FOXN2: variants seen among roughly 807,000 people sequenced by gnomAD.
FOXN2 encodes the protein forkhead box N2.
FOXN2 carries 19 observed loss-of-function variants against 41.2 expected under a neutral mutation model. That is an observed-to-expected ratio of 0.46 (90% CI 0.32 to 0.68). FOXN2 has a LOEUF of 0.68. Ranked by LOEUF, FOXN2 falls within the 30% of genes least tolerant of loss-of-function variation. The probability of loss-of-function intolerance (pLI) is 0.03; values close to 1 mark genes in which losing one functional copy is unlikely to be tolerated. For synonymous variants in FOXN2, 195 were observed against 176.8 expected (o/e 1.10, Z -0.82); for missense variants, 587 against 509.4 (o/e 1.15, Z -1.47).
intron 1 of FOXN2, among the ~76,000 whole-genome samples, chr2:48,317,561 C>T (rs1441491162): frequency 3.0e-5 from 4 of 134,246 alleles, no homozygotes; most frequent in Non-Finnish European, 4.6e-5. Flanking sequence ...ATTAATACTA[C>T]AGATGTGTAC....
At chr2:48,352,536 A>G (rs548514685) in intron 3 of FOXN2, among the ~76,000 whole-genome samples, 1 of 152,296 alleles carries the variant, frequency 6.6e-6, no homozygotes, top group African/African-American at 2.4e-5. Flanking sequence ...ATGGCTTAAT[A>G]TGTCGTCTGT....
In FOXN2 at chr2:48,359,145, A is replaced by G; in HGVS notation, c.636A>G (p.Gln212=). The part of the protein sequence containing the change: ...KKQPFSSASS[Q]NGSLSPHYLS... Reference sequence around the variant, plus strand: ...AACCTTTTTCTTCAGCATCTTCACAAAAGTAAGGATCTTCCATATAACTGT... The same window carrying G: ...AACCTTTTTCTTCAGCATCTTCACAGAAGTAAGGATCTTCCATATAACTGT... The change falls in exon 4 of 7, where the codon CAA becomes CAG. Residue 212 remains glutamine (Q), a splice_region_variant and synonymous_variant. Coordinates refer to ENST00000340553, the MANE Select transcript of FOXN2 (RefSeq NM_002158.4). 1 of 1,610,858 alleles carries G rather than the reference A, an allele frequency of 6.2e-7. No individual in the cohort carries two copies. The highest frequency in any genetic ancestry group is 8.5e-7 in the Non-Finnish European group (1 of 1,177,268).
chr2:48,325,004 T>A (rs1033277227), intron 1 of FOXN2, among the ~76,000 whole-genome samples: 1 of 152,284 alleles, frequency 6.6e-6, no homozygotes, highest in South Asian at 2.1e-4. Flanking sequence ...AGCAAGCATA[T>A]AGAGAAATGT....
chr2:48,365,999 C>A (rs1050391117), intron 5 of FOXN2, among the ~76,000 whole-genome samples: 1 of 152,130 alleles, frequency 6.6e-6, no homozygotes, highest in African/African-American at 2.4e-5. Context: ...ACTCCTTGTG[C>A]CAGACACTGT....
intron 2 of FOXN2, among the ~76,000 whole-genome samples, chr2:48,340,406 T>G (rs1382163455): frequency 6.6e-6 from 1 of 152,240 alleles, no homozygotes; most frequent in East Asian, 1.9e-4. Context: ...TTCCAATACA[T>G]AATTTTATAT....
upstream of FOXN2, among the ~76,000 whole-genome samples, chr2:48,313,906 C>T (rs1031927453): frequency 6.6e-6 from 1 of 152,186 alleles, no homozygotes; most frequent in African/African-American, 2.4e-5. Context: ...TAAATGAGCT[C>T]TCCTGTATTT....
At chr2:48,362,982 T>C (rs1189600793) in intron 5 of FOXN2, among the ~76,000 whole-genome samples, 1 of 152,238 alleles carries the variant, frequency 6.6e-6, no homozygotes, top group Non-Finnish European at 1.5e-5. Context: ...TAATAAACTA[T>C]GTCACTAGTT....
At chr2:48,338,515 C>T (rs1260529096) in intron 2 of FOXN2, among the ~76,000 whole-genome samples, 1 of 152,060 alleles carries the variant, frequency 6.6e-6, no homozygotes. Context: ...CATTCTCCTG[C>T]CTCAGCCTCC....
At chr2:48,321,377 A>G (rs1669304739) in intron 1 of FOXN2, among the ~76,000 whole-genome samples, 1 of 152,128 alleles carries the variant, frequency 6.6e-6, no homozygotes, top group Admixed American at 6.5e-5. Flanking sequence ...TACTAAAAAT[A>G]CAAAAAAAAT....
At position 48,329,984 on chromosome 2, in the gene FOXN2, C is replaced by T. The variant is rs147450704; in HGVS notation, c.-15+1282C>T. 3.4e-4 allele frequency among the ~76,000 whole-genome samples: 52 copies of T among 151,678 alleles called. 1 individual carries two copies. Among genetic ancestry groups the T allele is most frequent in the African/African-American group, 1.1e-3 (47 of 41,408 alleles). On this transcript the variant is annotated intron_variant, in intron 2 of 6. Coordinates refer to ENST00000340553, the MANE Select transcript of FOXN2 (RefSeq NM_002158.4). ...TAAATGCTAGACTTTATTTTTGCTA[C>T]TGACTAGACAAATTAACAGGAAGAA...
At chr2:48,353,040 T>C (rs1353862027) in intron 3 of FOXN2, among the ~76,000 whole-genome samples, 1 of 152,186 alleles carries the variant, frequency 6.6e-6, no homozygotes, top group African/African-American at 2.4e-5. Context: ...AAGGATTGGA[T>C]TCAGGTATGT....
intron 2 of FOXN2, among the ~76,000 whole-genome samples, chr2:48,334,280 G>A (rs912535013): frequency 6.6e-6 from 1 of 152,148 alleles, no homozygotes; most frequent in African/African-American, 2.4e-5. Context: ...TGCAACACTT[G>A]TGTGGCCTGT....
intron 1 of FOXN2, among the ~76,000 whole-genome samples, chr2:48,327,430 C>T (rs1669748363): frequency 1.3e-5 from 2 of 151,152 alleles, no homozygotes; most frequent in Non-Finnish European, 1.5e-5. Flanking sequence ...GTATTACTTT[C>T]TAAAATGATC....
chr2:48,343,420 A>G (rs569273754), intron 2 of FOXN2, among the ~76,000 whole-genome samples: 1 of 152,290 alleles, frequency 6.6e-6, no homozygotes, highest in African/African-American at 2.4e-5. Context: ...GTGTCTACTC[A>G]TACTCAACAT....
In FOXN2 at chr2:48,362,663, A is replaced by G. The variant is rs201026379; in HGVS notation, c.659A>G (p.Tyr220Cys). The G allele has an allele frequency of 1.4e-4, 229 of 1,613,862 alleles. No individual in the cohort carries two copies. The highest frequency in any genetic ancestry group is 2.0e-4 in the Admixed American group (12 of 59,970). ...SSQNGSLSPHYLSSVIKQNQV... is the reference protein window; with the variant it reads ...SSQNGSLSPHCLSSVIKQNQV... ...TTCAGTGGTTCTTTATCACCTCACTATTTAAGCTCTGTAATCAAGCAGAAC... is the reference window on the plus strand; with the variant it reads ...TTCAGTGGTTCTTTATCACCTCACTGTTTAAGCTCTGTAATCAAGCAGAAC... The change falls in exon 5 of 7, where the codon TAT becomes TGT. Residue 220 changes from tyrosine (Y) to cysteine (C), a missense_variant. Transcript: ENST00000340553.
chr2:48,369,139 T>C (rs1196230396), intron 5 of FOXN2, among the ~76,000 whole-genome samples: 9 of 152,244 alleles, frequency 5.9e-5, no homozygotes, highest in Non-Finnish European at 1.2e-4. Flanking sequence ...TATTCAGAAA[T>C]GGTATTCATG....
intron 2 of FOXN2, among the ~76,000 whole-genome samples, chr2:48,340,038 G>A (rs959824662): frequency 6.6e-6 from 1 of 152,178 alleles, no homozygotes; most frequent in Non-Finnish European, 1.5e-5. Context: ...ATGTTTAAAT[G>A]TGGAAGGCTA....
chr2:48,340,940 A>G (rs993562544), intron 2 of FOXN2: 1 of 152,218 alleles, frequency 6.6e-6, no homozygotes, highest in African/African-American at 2.4e-5. Flanking sequence ...TAGTACATTT[A>G]TCTACTTTTT....
intron 5 of FOXN2, among the ~76,000 whole-genome samples, chr2:48,365,088 G>T (rs548287567): frequency 6.6e-6 from 1 of 152,148 alleles, no homozygotes; most frequent in Admixed American, 6.5e-5. Context: ...GGAGCCTGGA[G>T]ACATTTTCAT....
Sources: gnomAD v4.1 joint callset for allele counts (sites outside exome capture counted in the v4.1 genomes callset) on GRCh38, gnomAD v4.1.1 for gene constraint, MANE v1.5 for transcripts, NCBI Gene and HGNC (gene_info 2026-07-23, HGNC 2026-07-21) for gene names.